The following DGCR6L variants were observed in gnomAD, a reference collection of about 807,000 sequenced individuals.
DGCR6L encodes protein DGCR6L.
A neutral mutation model predicts 31.1 loss-of-function variants in DGCR6L; 24 were observed. The observed-to-expected ratio is 0.77, with a 90% CI of 0.56 to 1.08. DGCR6L has a LOEUF of 1.08. DGCR6L is among the 50% of genes least tolerant of loss of function. The probability of loss-of-function intolerance (pLI) is 0.00; values close to 1 mark genes in which losing one functional copy is unlikely to be tolerated. For missense variants in DGCR6L, 218 were observed against 287.1 expected, an observed-to-expected ratio of 0.76 and a Z score of 1.74; for synonymous variants, 104 against 126.1, an observed-to-expected ratio of 0.82 and a Z score of 1.17.
Position 20,319,755 on chromosome 22 carries a change from G to T in DGCR6L, c.155C>A (p.Ala52Asp), listed in dbSNP as rs201883414. The part of the protein sequence containing the change: ...RLSYTTLSDL[A>D]LALLDGTVFE... ...CACGGTGCCGTCGAGAAGCGCCAGG[G>T]CCAGGTCGCTGAGCGTGGTGTAGGA... The change falls in exon 2 of 5, where the codon GCC (alanine) becomes GAC (aspartate). Residue 52 changes from alanine (A) to aspartate (D), a missense_variant. Physicochemically the swap from Ala to Asp is moderately radical, Grantham distance 126 (BLOSUM62 -2). This residue lies in a region of DGCR6L where 77 missense variants were observed against 71.2 expected (regional missense o/e 1.08). Transcript: ENST00000248879. 1.3e-5 allele frequency: 21 copies of T among 1,612,710 alleles called. No individual in the cohort carries two copies. In the Admixed American group the frequency reaches 1.3e-4, roughly 10 times the overall value.
intron 2 of DGCR6L, among the ~76,000 whole-genome samples, chr22:20,316,860 G>A (rs2051575119): frequency 6.6e-6 from 1 of 152,212 alleles, no homozygotes; most frequent in African/African-American, 2.4e-5. Flanking sequence ...CAGCCATCAA[G>A]TAAAGCTCCA....
chr22:20,315,631 C>G (rs1602679618), intron 3 of DGCR6L, among the ~76,000 whole-genome samples, 155 bp from the exon 4 acceptor site: 1 of 152,258 alleles, frequency 6.6e-6, no homozygotes, highest in South Asian at 2.1e-4. Flanking sequence ...ACCCAGGCCT[C>G]TCCTCGGCCA....
At chr22:20,315,529 A>AG in intron 3 of DGCR6L, 53 bp from the exon 4 acceptor site, 2 of 1,591,030 alleles carry the variant, frequency 1.3e-6, no homozygotes, top group Non-Finnish European at 1.7e-6. Context: ...CTCTGCCATC[A>AG]GGGGGCGGGG....
chr22:20,319,157 TTCGGG>T (rs1486802284), intron 2 of DGCR6L, among the ~76,000 whole-genome samples: 2 of 152,184 alleles, frequency 1.3e-5, no homozygotes, highest in Non-Finnish European at 2.9e-5. Context: ...TGGGAAGCTC[TTCGGG>T]TTTGGGAGGG....
Position 20,314,748 on chromosome 22 carries a change from G to A in DGCR6L, c.590C>T (p.Ala197Val), listed in dbSNP as rs748105829. ...QQRGCRAGNA[A>V]LGLGGPWQSP... is the part of the protein sequence containing the mutation. ...CTGCCAGGGACCTCCCAGTCCCAGG[G>A]CTGCATTCCCTGCCCGGCAGCCCCT... Residue 197 changes from alanine (A) to valine (V), a missense_variant, in exon 5 of 5, where the codon GCC becomes GTC. Coordinates refer to ENST00000248879, the MANE Select transcript of DGCR6L (RefSeq NM_033257.4). The A allele has an allele frequency of 3.1e-6, 5 of 1,612,198 alleles. No homozygotes were observed. The highest frequency in any genetic ancestry group is 4.2e-6 in the Non-Finnish European group (5 of 1,179,854).
intron 2 of DGCR6L, chr22:20,318,482 A>G (rs957839597): frequency 2.6e-5 from 4 of 152,252 alleles, no homozygotes; most frequent in African/African-American, 4.8e-5. Flanking sequence ...CAATGCCACA[A>G]TAAATGTTGG....
rs528009795 is a variant in DGCR6L, at chr22:20,319,560, T to C, written c.271+79A>G. 7.1e-6 allele frequency: 11 copies of C among 1,542,966 alleles called. No homozygotes were observed. In the East Asian group the frequency reaches 1.2e-4, roughly 16 times the overall value. ...TTCCGAACACTTCCAAGGAAGGAGC[T>C]GATCTGCACAGATACCAAGAGCTGC... is the stretch of plus-strand genomic sequence containing the variant. On this transcript the variant is annotated intron_variant, in intron 2 of 4. Transcript: ENST00000248879.
At position 20,317,742 on chromosome 22, in the gene DGCR6L, T is replaced by G. The variant is rs532092133; in HGVS notation, c.272-1523A>C. Among the ~76,000 whole-genome samples the G allele has an allele frequency of 1.1e-4, 17 of 152,348 alleles. No individual in the cohort carries two copies. The South Asian group carries it at 3.3e-3, about 30-fold the overall frequency. On this transcript the variant is annotated intron_variant, in intron 2 of 4. Coordinates refer to ENST00000248879, the MANE Select transcript of DGCR6L (RefSeq NM_033257.4). ...GTGCTCACAGAATGATGGGGCGGCA[T>G]CTAAAGGTGCCTGGAGCGCCCCCAA... is the stretch of plus-strand genomic sequence containing the variant.
rs980377162 is a variant in DGCR6L at position 20,317,815 on chromosome 22, C to A, written c.272-1596G>T. 1.3e-5 allele frequency among the ~76,000 whole-genome samples: 2 copies of A among 152,346 alleles called. 1 individual carries two copies. The highest frequency in any genetic ancestry group is 4.1e-4 in the South Asian group (2 of 4,830). ...GGGCATTAAGGAATAATGAGCCATGCGCTTGGGATTAGTAAACTACATACA... is the reference window on the plus strand; with the variant it reads ...GGGCATTAAGGAATAATGAGCCATGAGCTTGGGATTAGTAAACTACATACA... On this transcript the variant is annotated intron_variant, in intron 2 of 4. Coordinates refer to ENST00000248879, the MANE Select transcript of DGCR6L (RefSeq NM_033257.4).
chr22:20,316,330 A>G lies in DGCR6L; in HGVS notation c.272-111T>C. The G allele has an allele frequency of 2.8e-6, 4 of 1,409,008 alleles. No homozygotes were observed. In the South Asian group the frequency reaches 5.0e-5, roughly 17 times the overall value. The allele number at this position is 1,409,008 out of a possible 1,614,324, so 87.3% of individuals were successfully genotyped here. ...GCAGCCAGGCCAAAGGGGTGTCTGC[A>G]GTGGGGAGGATGCCAGCCTCCTCCA... On this transcript the variant is annotated intron_variant, in intron 2 of 4. Transcript: ENST00000248879.
rs764477079 is a variant in DGCR6L at position 20,319,931 on chromosome 22, G to A, written c.58C>T (p.Arg20Ter). The A allele has an allele frequency of 1.2e-6, 2 of 1,610,110 alleles. No homozygotes were observed. The highest frequency in any genetic ancestry group is 1.7e-6 in the Non-Finnish European group (2 of 1,179,006). Residue 20 changes from arginine (R) to a stop codon, truncating the protein, a stop_gained, in exon 1 of 5, where the codon CGA becomes TGA. Coordinates refer to ENST00000248879, the MANE Select transcript of DGCR6L (RefSeq NM_033257.4). LOFTEE classifies it high-confidence loss of function. ...AGCGCCGACAGCAACTGGTAGTGTCGCTCCTGCTGCCGGGCACCGTCCGCC... is the reference window on the plus strand; with the variant it reads ...AGCGCCGACAGCAACTGGTAGTGTCACTCCTGCTGCCGGGCACCGTCCGCC... Reference protein sequence around the residue: ...EVADGARQQERHYQLLSALQS... With the variant: ...EVADGARQQE
chr22:20,316,324 G>A, intron 2 of DGCR6L, 105 bp from the exon 3 acceptor site: 4 of 1,436,552 alleles, frequency 2.8e-6, no homozygotes, highest in South Asian at 2.5e-5. Context: ...CCAAAGGGGT[G>A]TCTGCAGTGG....
In DGCR6L at chr22:20,319,946, C is replaced by G; in HGVS notation, c.43G>C (p.Ala15Pro). 1 of 1,607,714 alleles carries G rather than the reference C, an allele frequency of 6.2e-7. No homozygotes were observed. ...TGGTAGTGTCGCTCCTGCTGCCGGG[C>G]ACCGTCCGCCACCTCCTCCAAGGCG... ...AAALEEVADG[A>P]RQQERHYQLL... Residue 15 changes from alanine to proline, a missense_variant, in exon 1 of 5, where the codon GCC becomes CCC. By Grantham distance (27) the Ala-to-Pro change is conservative. This residue lies in a region of DGCR6L where 77 missense variants were observed against 71.2 expected (regional missense o/e 1.08). Transcript: ENST00000248879.
Position 20,314,662 on chromosome 22 carries a change from C to T in DGCR6L, c.*13G>A, listed in dbSNP as rs763898486. 1 of 1,582,218 alleles carries T rather than the reference C, an allele frequency of 6.3e-7. No individual in the cohort carries two copies. The highest frequency in any genetic ancestry group is 1.8e-5 in the Admixed American group (1 of 57,082). On this transcript the variant is annotated 3_prime_UTR_variant, in exon 5 of 5. Transcript: ENST00000248879. ...AAGAAGATGAACTCTGCCCAGACTTCTGCTGCCTGTGGCTATGGTGGGACA... is the reference window on the plus strand; with the variant it reads ...AAGAAGATGAACTCTGCCCAGACTTTTGCTGCCTGTGGCTATGGTGGGACA...
chr22:20,319,906 A>C lies in DGCR6L; in HGVS notation c.83T>G (p.Leu28Arg), dbSNP rs2146019724. The C allele has an allele frequency of 6.2e-7, 1 of 1,610,626 alleles. No homozygotes were observed. The change falls in exon 1 of 5, where the codon CTA (leucine) becomes CGA (arginine). Residue 28 changes from leucine (L) to arginine (R), a missense_variant. Leu to Arg is a moderately radical substitution (Grantham distance 102, BLOSUM62 -2). Coordinates refer to ENST00000248879, the MANE Select transcript of DGCR6L (RefSeq NM_033257.4). ...GGGCAACTCCTTCACCAGGCTCTGT[A>C]GCGCCGACAGCAACTGGTAGTGTCG... ...QERHYQLLSA[L>R]QSLVKELPSS...
intron 4 of DGCR6L, 154 bp from the exon 5 acceptor site, chr22:20,314,978 C>A (rs1397453056): frequency 2.0e-6 from 3 of 1,478,086 alleles, no homozygotes; most frequent in Non-Finnish European, 1.8e-6. Flanking sequence ...GCTTCTGCCC[C>A]CAACAGGGCC....
At chr22:20,315,822 C>T (rs1273059852) in intron 3 of DGCR6L, among the ~76,000 whole-genome samples, 1 of 152,182 alleles carries the variant, frequency 6.6e-6, no homozygotes, top group East Asian at 1.9e-4. Flanking sequence ...GCCCCAACAC[C>T]CTACCATTGC....
At chr22:20,318,120 G>A (rs1246003736) in intron 2 of DGCR6L, 1 of 159,216 alleles carries the variant, frequency 6.3e-6, no homozygotes, top group African/African-American at 2.4e-5. Flanking sequence ...CCAGTAGGAT[G>A]GAATTCAAGT....
At chr22:20,318,732 C>A (rs1234353169) in intron 2 of DGCR6L, 1 of 152,218 alleles carries the variant, frequency 6.6e-6, no homozygotes, top group Non-Finnish European at 1.5e-5. Flanking sequence ...TTGACCCCAC[C>A]ACCCAGGTTG....
Sources: allele counts gnomAD v4.1 joint callset (sites outside exome capture counted in the v4.1 genomes callset), GRCh38; gene constraint gnomAD v4.1.1; regional missense constraint gnomAD v4.1.1; transcripts MANE v1.5; gene names NCBI Gene and HGNC (gene_info 2026-07-23, HGNC 2026-07-21).